CDHR5: variants seen among roughly 807,000 people sequenced by gnomAD.
CDHR5 encodes cadherin related family member 5, also known as cadherin-related family member 5.
Under a neutral mutation model 69.5 loss-of-function variants are expected in CDHR5, and 82 were observed. The observed-to-expected ratio is 1.18, with a 90% CI of 0.99 to 1.42. The LOEUF is 1.42. Among genes scored for constraint, CDHR5 ranks in the 40% most tolerant of loss-of-function variants. CDHR5 has a pLI of 0.00. For synonymous variants in CDHR5, 601 were observed against 510.2 expected, an observed-to-expected ratio of 1.18 and a Z score of -2.40; for missense variants, 1,293 against 1,168.9, an observed-to-expected ratio of 1.11 and a Z score of -1.55.
In CDHR5 at chr11:620,179, G is replaced by C. The variant is rs1857286256; in HGVS notation, c.881-15C>G. 6.2e-7 allele frequency: 1 copy of C among 1,608,940 alleles called. No homozygotes were observed. ...ATTCACGTTTCCTGGGAGGATGATG[G>C]AAGTGCTCAGCCCCGGCCCCCTGAG... On this transcript the variant is annotated splice_polypyrimidine_tract_variant and intron_variant, in intron 8 of 14. Coordinates refer to ENST00000397542, the MANE Select transcript of CDHR5 (RefSeq NM_021924.5).
Position 621,109 on chromosome 11 carries a change from G to GGT in CDHR5, c.758_759dup (p.His254ThrfsTer44). ...ATGTGCCCCGTGGGGACAGCCCCGT[G>GGT]GTACTGAGCTTGAATGCAGACGTAG... is the stretch of plus-strand genomic sequence containing the variant. On this transcript the variant is annotated frameshift_variant, in exon 7 of 15. Transcript: ENST00000397542. LOFTEE classifies it high-confidence loss of function. The surrounding 1 kb of genome is among the most constrained non-coding windows in gnomAD (Gnocchi z 4.4). 1 of 1,568,396 alleles carries GGT rather than the reference G, an allele frequency of 6.4e-7. No homozygotes were observed. Among genetic ancestry groups the GGT allele is most frequent in the East Asian group, 2.2e-5 (1 of 44,500 alleles).
At position 617,595 on chromosome 11, in the gene CDHR5, G is replaced by C. The variant is rs779084236; in HGVS notation, c.2294C>G (p.Ala765Gly). 1.2e-6 allele frequency: 2 copies of C among 1,607,972 alleles called. No homozygotes were observed. Among genetic ancestry groups the C allele is most frequent in the Admixed American group, 1.7e-5 (1 of 59,550 alleles). ...CGCCGTGGGGCTTCCGCCAGCTCGG[G>C]CCGCTGCGGGGGGCTCAGGGGCACC... ...PGGAPEPPAA[A>G]RAGGSPTAVR... Residue 765 changes from alanine to glycine, a missense_variant, in exon 15 of 15, where the codon GCC becomes GGC. Ala to Gly is a moderately conservative substitution (Grantham distance 60, BLOSUM62 0). Transcript: ENST00000397542.
chr11:619,490 C>T lies in CDHR5; in HGVS notation c.1277G>A (p.Gly426Glu), dbSNP rs751513679. 14 of 1,613,492 alleles carry T rather than the reference C, an allele frequency of 8.7e-6. No homozygotes were observed. The highest frequency in any genetic ancestry group is 3.3e-5 in the South Asian group (3 of 91,074). The change falls in exon 11 of 15, where the codon GGA becomes GAA. Residue 426 changes from glycine (G) to glutamate (E), a missense_variant. By Grantham distance (98) the Gly-to-Glu change is moderately conservative (BLOSUM62 -2). Coordinates refer to ENST00000397542, the MANE Select transcript of CDHR5 (RefSeq NM_021924.5). Reference protein sequence around the residue: ...VLTTTTLAQAGAFYAEVEAHN... With the variant: ...VLTTTTLAQAEAFYAEVEAHN... Reference sequence around the variant, plus strand: ...GCCCCGCACCTCTGCGTAGAAGGCTCCCGCCTGTGCCAGTGTGGTGGTGGT... The same window carrying T: ...GCCCCGCACCTCTGCGTAGAAGGCTTCCGCCTGTGCCAGTGTGGTGGTGGT...
intron 13 of CDHR5, 144 bp downstream of exon 13, chr11:618,455 G>A: frequency 3.0e-6 from 3 of 1,014,052 alleles, no homozygotes; most frequent in Non-Finnish European, 4.3e-6. Context: ...CCTTGGGCCT[G>A]TCTGTGTCTG....
rs373175439 is a variant in CDHR5 at position 618,056 on chromosome 11, G to T, written c.2016C>A (p.Gly672=). 1.9e-6 allele frequency: 3 copies of T among 1,611,676 alleles called. No individual in the cohort carries two copies. The highest frequency in any genetic ancestry group is 1.7e-6 in the Non-Finnish European group (2 of 1,179,458). Residue 672 remains glycine (G), a synonymous_variant, in exon 14 of 15, where the codon GGC becomes GGA. Transcript: ENST00000397542. ...GCAGCAGCAGCGCACCCAGCACCCC[G>T]CCCAGGGCCGCCATATCCACCACCG... ...RFSVVDMAAL[G]GVLGALLLLA... is the part of the protein sequence containing the mutation.
intron 7 of CDHR5, 105 bp downstream of exon 7, chr11:620,975 A>ACCCCCAGACCCCCACCCC: frequency 2.3e-6 from 1 of 442,108 alleles, no homozygotes; most frequent in Non-Finnish European, 3.9e-6. Flanking sequence ...AATCGGCCCC[A>ACCCCCAGACCCCCACCCC]CCCCCTGACC....
chr11:618,429 G>T (rs1329207189), intron 13 of CDHR5, among the ~76,000 whole-genome samples, 170 bp downstream of exon 13: 2 of 152,228 alleles, frequency 1.3e-5, no homozygotes, highest in Non-Finnish European at 2.9e-5. Context: ...CACATCACAG[G>T]TTACCTCACT....
At chr11:620,790 T>C (rs549200302) in intron 7 of CDHR5, among the ~76,000 whole-genome samples, 1 of 152,110 alleles carries the variant, frequency 6.6e-6, no homozygotes, top group East Asian at 1.9e-4. Flanking sequence ...AGGGCAGAGA[T>C]GTCAGCATCC....
intron 7 of CDHR5, 121 bp downstream of exon 7, chr11:620,959 G>C (rs552754838): frequency 5.8e-6 from 4 of 690,458 alleles, no homozygotes; most frequent in South Asian, 2.6e-5. Context: ...TCAAAATCAC[G>C]ACCGAAATCG....
In CDHR5 at chr11:621,489, C is replaced by T; in HGVS notation, c.508-34G>A. On this transcript the variant is annotated intron_variant, in intron 5 of 14. Coordinates refer to ENST00000397542, the MANE Select transcript of CDHR5 (RefSeq NM_021924.5). The surrounding 1 kb of genome is among the most constrained non-coding windows in gnomAD (Gnocchi z 4.4). ...GGTCAGGGAGGACAGAGCCTAAGAG[C>T]CTTGGAGGGCGAGGGCGGCTGTGGG... 6.2e-7 allele frequency: 1 copy of T among 1,600,512 alleles called. No individual in the cohort carries two copies. The highest frequency in any genetic ancestry group is 1.1e-5 in the South Asian group (1 of 90,834).
rs149002145 is a variant in CDHR5, at chr11:620,368, G to A, written c.808C>T (p.Arg270Cys). 3.1e-5 allele frequency: 50 copies of A among 1,607,968 alleles called. No homozygotes were observed. The African/African-American group carries it at 4.3e-4, about 14-fold the overall frequency. Residue 270 changes from arginine to cysteine, a missense_variant, in exon 8 of 15, where the codon CGT (arginine) becomes TGT (cysteine). By Grantham distance (180) the Arg-to-Cys change is radical. Coordinates refer to ENST00000397542, the MANE Select transcript of CDHR5 (RefSeq NM_021924.5). ...TCCTCAGCGTAGATGGGTCCGGGACGCAGGACGAGGGGAGATGGCTTCAGG... is the reference window on the plus strand; with the variant it reads ...TCCTCAGCGTAGATGGGTCCGGGACACAGGACGAGGGGAGATGGCTTCAGG... The part of the protein sequence containing the change: ...GHILPSPLVL[R>C]PGPIYAEDGD...
Position 619,001 on chromosome 11 carries a change from C to A in CDHR5, c.1558G>T (p.Gly520Trp). 1 of 1,613,518 alleles carries A rather than the reference C, an allele frequency of 6.2e-7. No individual in the cohort carries two copies. The highest frequency in any genetic ancestry group is 8.5e-7 in the Non-Finnish European group (1 of 1,179,748). Residue 520 changes from glycine (G) to tryptophan (W), a missense_variant, in exon 13 of 15, where the codon GGG (glycine) becomes TGG (tryptophan). Transcript: ENST00000397542. ...GTGCTGTTTTCTGCACCCGGGGGCC[C>A]CCCGGGTGTGGACGAGGTTGGTGGC... Reference protein sequence around the residue: ...LRPPTSSTPGGPPGAENSTSH... With the variant: ...LRPPTSSTPGWPPGAENSTSH...
At chr11:620,464 C>G in intron 7 of CDHR5, 78 bp from the exon 8 acceptor site, 2 of 1,042,868 alleles carry the variant, frequency 1.9e-6, no homozygotes, top group South Asian at 1.5e-5. Context: ...GACTCCCCAT[C>G]AAGGGCAGGG....
Position 620,320 on chromosome 11 carries a change from G to T in CDHR5, c.856C>A (p.Pro286Thr). The change falls in exon 8 of 15, where the codon CCC becomes ACC. Residue 286 changes from proline to threonine, a missense_variant. Pro to Thr is a conservative substitution (Grantham distance 38). Coordinates refer to ENST00000397542, the MANE Select transcript of CDHR5 (RefSeq NM_021924.5). ...CCCCTAAAGATGCTGTAGATGATGGGCTGGTTGATGCCGCGGTCTCCGTCC... is the reference window on the plus strand; with the variant it reads ...CCCCTAAAGATGCTGTAGATGATGGTCTGGTTGATGCCGCGGTCTCCGTCC... ...AEDGDRGINQ[P>T]IIYSIFRGNV... 5 of 1,612,672 alleles carry T rather than the reference G, an allele frequency of 3.1e-6. No homozygotes were observed. The highest frequency in any genetic ancestry group is 4.2e-6 in the Non-Finnish European group (5 of 1,179,126).
rs2133221691 is a variant in CDHR5 at position 624,411 on chromosome 11, A to G, written c.261+146T>C. 1.1e-6 allele frequency: 1 copy of G among 872,172 alleles called. No individual in the cohort carries two copies. The highest frequency in any genetic ancestry group is 2.6e-5 in the East Asian group (1 of 38,740). 54.0% of individuals were successfully genotyped at this position (872,172 alleles called of 1,614,324 possible). On this transcript the variant is annotated intron_variant, in intron 2 of 14. Transcript: ENST00000397542. The surrounding 1 kb of genome is among the most constrained non-coding windows in gnomAD (Gnocchi z 5.3). ...AGGCAGCTTCATCCCGAAATGGCCC[A>G]GCCTTCTAGGGCAGGCACCACCAAG...
chr11:617,460 G>A lies in CDHR5; in HGVS notation c.2429C>T (p.Thr810Ile). ...GTCACTGGCGCCATCCACGTCCAGG[G>A]TGGGCGCGTTGAGAACGACCACGTC... ...EADVVVLNAP[T>I]LDVDGASDSG... The change falls in exon 15 of 15, where the codon ACC becomes ATC. Residue 810 changes from threonine (T) to isoleucine (I), a missense_variant. Thr to Ile is a moderately conservative substitution (Grantham distance 89, BLOSUM62 -1). Coordinates refer to ENST00000397542, the MANE Select transcript of CDHR5 (RefSeq NM_021924.5). The A allele has an allele frequency of 6.2e-7, 1 of 1,612,684 alleles. No homozygotes were observed. The highest frequency in any genetic ancestry group is 1.1e-5 in the South Asian group (1 of 91,084).
Position 624,896 on chromosome 11 carries a change from A to G in CDHR5, c.7T>C (p.Ser3Pro), listed in dbSNP as rs1208780561. The part of the protein sequence containing the change: MG[S>P]WALLWPPLLF... Reference sequence around the variant, plus strand: ...AGGGGAGGCCACAGCAGGGCCCAAGACCCCATCTTGGCGGCTGTCACCTGG... The same window carrying G: ...AGGGGAGGCCACAGCAGGGCCCAAGGCCCCATCTTGGCGGCTGTCACCTGG... Residue 3 changes from serine (S) to proline (P), a missense_variant, in exon 1 of 15, where the codon TCT becomes CCT. Physicochemically the swap from Ser to Pro is moderately conservative, Grantham distance 74. Coordinates refer to ENST00000397542, the MANE Select transcript of CDHR5 (RefSeq NM_021924.5). The surrounding 1 kb of genome is among the most constrained non-coding windows in gnomAD (Gnocchi z 5.3). 1 of 1,556,068 alleles carries G rather than the reference A, an allele frequency of 6.4e-7. No homozygotes were observed. The highest frequency in any genetic ancestry group is 8.7e-7 in the Non-Finnish European group (1 of 1,153,148).
intron 14 of CDHR5, 62 bp downstream of exon 14, chr11:617,892 C>G: frequency 6.4e-7 from 1 of 1,565,740 alleles, no homozygotes; most frequent in South Asian, 1.2e-5. Context: ...CCTCCCCTCT[C>G]CTGTCCCCCG....
At position 619,731 on chromosome 11, in the gene CDHR5, C is replaced by T. The variant is rs1454097771; in HGVS notation, c.1129G>A (p.Ala377Thr). ...ATCCTCAGAGGCTGAGAAGGGGCAG[C>T]TGCATCCTTGACCACAACGCCCGCT... ...AGAGVVVKDA[A>T]APSQPLRIQA... is the part of the protein sequence containing the mutation. Residue 377 changes from alanine (A) to threonine (T), a missense_variant, in exon 10 of 15, where the codon GCT (alanine) becomes ACT (threonine). Coordinates refer to ENST00000397542, the MANE Select transcript of CDHR5 (RefSeq NM_021924.5). 1 of 1,612,800 alleles carries T rather than the reference C, an allele frequency of 6.2e-7. No individual in the cohort carries two copies. The highest frequency in any genetic ancestry group is 8.5e-7 in the Non-Finnish European group (1 of 1,180,002).
Sources: gnomAD v4.1 joint callset for allele counts (sites outside exome capture counted in the v4.1 genomes callset) on GRCh38, gnomAD v4.1.1 for gene constraint, Gnocchi (gnomAD v3.1) non-coding constraint, MANE v1.5 for transcripts, NCBI Gene and HGNC (gene_info 2026-07-23, HGNC 2026-07-21) for gene names.